PTPRD: variants seen among roughly 807,000 people sequenced by gnomAD.
PTPRD encodes the protein receptor-type tyrosine-protein phosphatase delta.
A neutral mutation model predicts 214.5 loss-of-function variants in PTPRD; 34 were observed. That is an observed-to-expected ratio of 0.16 (90% CI 0.12 to 0.21). PTPRD has a LOEUF of 0.21. Ranked by LOEUF, PTPRD falls within the 10% of genes least tolerant of loss-of-function variation. PTPRD has a pLI of 1.00. For synonymous variants in PTPRD, 1,128 were observed against 845.7 expected (o/e 1.33, Z -5.79); for missense variants, 2,545 against 2,398.7 (o/e 1.06, Z -1.27).
chr9:10,112,128 T>C (rs2098696496), intron 3 of PTPRD, among the ~76,000 whole-genome samples: 1 of 152,176 alleles, frequency 6.6e-6, no homozygotes, highest in African/African-American at 2.4e-5. Context: ...TTGCCCTAAG[T>C]GCTTTTTTGT....
At chr9:9,081,651 A>T (rs2099759190) in intron 10 of PTPRD, among the ~76,000 whole-genome samples, 1 of 152,026 alleles carries the variant, frequency 6.6e-6, no homozygotes, top group South Asian at 2.1e-4. Context: ...TAGGTCTCTA[A>T]GAACTTGCTT....
At chr9:8,745,284 G>C (rs2092664789) in intron 11 of PTPRD, among the ~76,000 whole-genome samples, 1 of 152,186 alleles carries the variant, frequency 6.6e-6, no homozygotes, top group South Asian at 2.1e-4. Flanking sequence ...CTATAGCATG[G>C]TGTATCTACT....
At chr9:9,463,193 A>G (rs557702260) in intron 8 of PTPRD, among the ~76,000 whole-genome samples, 1 of 152,266 alleles carries the variant, frequency 6.6e-6, no homozygotes, top group East Asian at 1.9e-4. Flanking sequence ...TGGATGAAGG[A>G]TTACAGCAAC....
chr9:9,200,854 A>G (rs1392686653), intron 9 of PTPRD, among the ~76,000 whole-genome samples: 1 of 152,218 alleles, frequency 6.6e-6, no homozygotes, highest in East Asian at 1.9e-4. Context: ...ACACAAAACC[A>G]TCATTGATTA....
rs539058272 is a variant in PTPRD, at chr9:9,430,794, A to C, written c.-236-33312T>G. ...CTTTGACAAATCTAACAAAAACAAG[A>C]AATGGGGAAAGGAATCCCTGTTTAA... On this transcript the variant is annotated intron_variant, in intron 8 of 45. Transcript: ENST00000381196. Among the ~76,000 whole-genome samples the C allele has an allele frequency of 7.4e-4, 113 of 152,288 alleles. 1 individual carries two copies. Among genetic ancestry groups the C allele is most frequent in the African/African-American group, 2.6e-3 (107 of 41,578 alleles).
chr9:9,837,989 A>T (rs1459087729), intron 5 of PTPRD, among the ~76,000 whole-genome samples: 1 of 152,120 alleles, frequency 6.6e-6, no homozygotes, highest in Non-Finnish European at 1.5e-5. Context: ...TCATTGCTCA[A>T]TTCCCACCAA....
chr9:8,493,727 C>T (rs774528651), intron 26 of PTPRD, among the ~76,000 whole-genome samples: 3 of 152,178 alleles, frequency 2.0e-5, no homozygotes, highest in Admixed American at 6.5e-5. Context: ...TACCACATCA[C>T]TAGTATGTGC....
intron 34 of PTPRD, among the ~76,000 whole-genome samples, chr9:8,439,587 C>G (rs2095473841): frequency 6.6e-6 from 1 of 152,014 alleles, no homozygotes; most frequent in Non-Finnish European, 1.5e-5. Context: ...TATCATATAT[C>G]AGAAAAGACC....
intron 3 of PTPRD, among the ~76,000 whole-genome samples, chr9:10,113,184 T>C (rs1354804787): frequency 6.6e-6 from 1 of 152,230 alleles, no homozygotes; most frequent in African/African-American, 2.4e-5. Context: ...TGGGGGAGGC[T>C]ATATATTCAT....
At chr9:10,315,116 T>C (rs925677412) in intron 3 of PTPRD, among the ~76,000 whole-genome samples, 2 of 151,974 alleles carry the variant, frequency 1.3e-5, no homozygotes, top group East Asian at 3.9e-4. Flanking sequence ...ATTTTCATGA[T>C]TAGAAAATAT....
intron 3 of PTPRD, among the ~76,000 whole-genome samples, chr9:10,279,161 T>C (rs1201485489): frequency 6.6e-6 from 1 of 152,124 alleles, no homozygotes; most frequent in Non-Finnish European, 1.5e-5. Flanking sequence ...TGTTCTCCAA[T>C]TCATCCCTCC....
intron 8 of PTPRD, among the ~76,000 whole-genome samples, chr9:9,437,191 A>T (rs1206117690): frequency 6.6e-6 from 1 of 152,222 alleles, no homozygotes; most frequent in South Asian, 2.1e-4. Flanking sequence ...AAACAACGAA[A>T]TATCAGAGAA....
intron 9 of PTPRD, among the ~76,000 whole-genome samples, chr9:9,346,729 G>A (rs2048955319): frequency 6.6e-6 from 1 of 151,576 alleles, no homozygotes; most frequent in African/African-American, 2.4e-5. Context: ...TTTTGCTCTT[G>A]TTGCCCAGGC....
At chr9:9,160,141 G>A (rs563816720) in intron 10 of PTPRD, among the ~76,000 whole-genome samples, 2 of 152,272 alleles carry the variant, frequency 1.3e-5, no homozygotes, top group South Asian at 2.1e-4. Flanking sequence ...CAATTATTTT[G>A]TGGATATTAT....
chr9:9,371,600 G>A, intron 9 of PTPRD, among the ~76,000 whole-genome samples: 1 of 152,004 alleles, frequency 6.6e-6, no homozygotes, highest in Middle Eastern at 3.2e-3. Context: ...GGTTTTTTGT[G>A]TCTCTATCTC....
At chr9:10,152,823 C>T (rs200699041) in intron 3 of PTPRD, among the ~76,000 whole-genome samples, 1 of 152,096 alleles carries the variant, frequency 6.6e-6, no homozygotes. Context: ...GAACTCCCCC[C>T]CTACCCTCCC....
intron 3 of PTPRD, among the ~76,000 whole-genome samples, chr9:10,186,159 C>A (rs2099329296): frequency 1.3e-5 from 2 of 151,874 alleles, no homozygotes; most frequent in African/African-American, 4.8e-5. Context: ...ACAATCCAGA[C>A]TATTGGATCA....
intron 7 of PTPRD, among the ~76,000 whole-genome samples, chr9:9,588,504 G>C (rs1236106062): frequency 6.6e-6 from 1 of 151,728 alleles, no homozygotes; most frequent in South Asian, 2.1e-4. Flanking sequence ...CTTTGGGAGG[G>C]GATTTTCTAT....
In PTPRD at chr9:9,310,920, GATAAATAA is replaced by G. The variant is rs146963669; in HGVS notation, c.-203+86521_-203+86528del. 2.5e-3 allele frequency among the ~76,000 whole-genome samples: 345 copies of G among 138,538 alleles called. 1 individual carries two copies. The highest frequency in any genetic ancestry group is 5.0e-3 in the African/African-American group (183 of 36,520). The allele number at this position is 138,538 out of a possible 152,430, so 90.9% of individuals were successfully genotyped here. A position where few individuals can be genotyped will look rare whatever the true frequency, so the allele number is the denominator to read the frequency against. Reference sequence around the variant, plus strand: ...GCAACAAGAGCAAAGCTGTGTCTCAGATAAATAAATAAATAAATAAATAAATAAATAAA... The same window carrying G: ...GCAACAAGAGCAAAGCTGTGTCTCAGATAAATAAATAAATAAATAAATAAA... On this transcript the variant is annotated intron_variant, in intron 9 of 45. Coordinates refer to ENST00000381196, the MANE Select transcript of PTPRD (RefSeq NM_002839.4).
Sources: allele counts gnomAD v4.1 joint callset (sites outside exome capture counted in the v4.1 genomes callset), GRCh38; gene constraint gnomAD v4.1.1; transcripts MANE v1.5; gene names NCBI Gene and HGNC (gene_info 2026-07-23, HGNC 2026-07-21).